Variants in DCP2 observed in about 807,000 individuals in gnomAD.
The protein encoded by DCP2 is m7GpppN-mRNA hydrolase.
A neutral mutation model predicts 56.1 loss-of-function variants in DCP2; 30 were observed. The observed-to-expected ratio is 0.53, with a 90% CI of 0.40 to 0.73. The LOEUF (loss-of-function observed/expected upper bound fraction) is 0.73, where lower values mean the gene tolerates loss of function less well. Among genes scored for constraint, DCP2 ranks in the 30% least tolerant of loss-of-function variants. DCP2 has a pLI of 0.00. For synonymous variants in DCP2, 197 were observed against 163.3 expected, an observed-to-expected ratio of 1.21 and a Z score of -1.57; for missense variants, 533 against 502.7, an observed-to-expected ratio of 1.06 and a Z score of -0.58.
chr5:113,010,204 T>C (rs1290836062), intron 9 of DCP2, among the ~76,000 whole-genome samples: 1 of 146,072 alleles, frequency 6.8e-6, no homozygotes, highest in Non-Finnish European at 1.5e-5. Flanking sequence ...TACTAATTCT[T>C]GTATTTTTTT....
At chr5:113,004,203 T>A in intron 8 of DCP2, 126 bp downstream of exon 8, 1 of 1,083,848 alleles carries the variant, frequency 9.2e-7, no homozygotes, top group South Asian at 1.7e-5. Context: ...AGCCTGTATG[T>A]TCCTTACTTA....
intron 10 of DCP2, among the ~76,000 whole-genome samples, chr5:113,012,235 C>T (rs1238169711): frequency 6.6e-6 from 1 of 152,164 alleles, no homozygotes. Context: ...TGGCACATAC[C>T]TGTAGTCCCA....
intron 4 of DCP2, among the ~76,000 whole-genome samples, chr5:112,995,402 A>G (rs898131543): frequency 1.3e-5 from 2 of 152,234 alleles, no homozygotes; most frequent in Non-Finnish European, 2.9e-5. Flanking sequence ...GAGAAAATAG[A>G]AATCAGCAGT....
In DCP2 at chr5:113,013,408, A is replaced by C. The variant is rs1400342445; in HGVS notation, c.1187A>C (p.Lys396Thr). ...CCCGTGGCATGTAATGGACATTGCA[A>C]GTTCCCCTTTTCATCCAGAGCCTTT... is the stretch of plus-strand genomic sequence containing the variant. ...GQPVACNGHC[K>T]FPFSSRAFLS... Residue 396 changes from lysine (K) to threonine (T), a missense_variant, in exon 11 of 11, where the codon AAG becomes ACG. Physicochemically the swap from Lys to Thr is moderately conservative, Grantham distance 78 (BLOSUM62 -1). This residue lies in a region of DCP2 where 392 missense variants were observed against 346.6 expected (regional missense o/e 1.13). Transcript: ENST00000389063. 1 of 1,614,174 alleles carries C rather than the reference A, an allele frequency of 6.2e-7. No individual in the cohort carries two copies. The highest frequency in any genetic ancestry group is 2.2e-5 in the East Asian group (1 of 44,878).
intron 2 of DCP2, among the ~76,000 whole-genome samples, chr5:112,991,312 T>C (rs949203788): frequency 6.6e-6 from 1 of 152,346 alleles, no homozygotes; most frequent in Non-Finnish European, 1.5e-5. Context: ...TTCTCTATGC[T>C]TTTTTAAAAT....
intron 10 of DCP2, among the ~76,000 whole-genome samples, chr5:113,011,348 TCCTC>T (rs1749675285): frequency 6.6e-6 from 1 of 152,354 alleles, no homozygotes; most frequent in South Asian, 2.1e-4. Context: ...AATTTCTCCT[TCCTC>T]GGTTATGAAA....
intron 1 of DCP2, chr5:112,984,504 G>A (rs1230832722): frequency 1.3e-5 from 2 of 151,684 alleles, no homozygotes; most frequent in African/African-American, 4.8e-5. Context: ...ATCATGGACT[G>A]TGCTAAAACC....
rs1750067915 is a variant in DCP2, at chr5:113,020,537, T to A, written c.*7053T>A. On this transcript the variant is annotated 3_prime_UTR_variant, in exon 11 of 11. Coordinates refer to ENST00000389063, the MANE Select transcript of DCP2 (RefSeq NM_152624.6). ...CATTTGGAACAGGTTTCATTCTGTT[T>A]CTAGATTTATGTTGTTGTAGTTGAA... The A allele has an allele frequency of 6.6e-6, 1 of 152,234 alleles. No homozygotes were observed. 9.4% of individuals were successfully genotyped at this position (152,234 alleles called of 1,614,324 possible).
rs573918759 is a variant in DCP2 at position 112,977,335 on chromosome 5, C to T, written c.53+349C>T. ...CCTCCCTCTCCCATTGTTTTTTCTGCCTCTGTGACTTTTCCACGCCGTGCA... is the reference window on the plus strand; with the variant it reads ...CCTCCCTCTCCCATTGTTTTTTCTGTCTCTGTGACTTTTCCACGCCGTGCA... On this transcript the variant is annotated intron_variant, in intron 1 of 10. Coordinates refer to ENST00000389063, the MANE Select transcript of DCP2 (RefSeq NM_152624.6). 2.6e-5 allele frequency among the ~76,000 whole-genome samples: 4 copies of T among 152,294 alleles called. No individual in the cohort carries two copies. The East Asian group carries it at 7.7e-4, about 29-fold the overall frequency.
chr5:112,996,252 T>C (rs1415446824), intron 4 of DCP2, among the ~76,000 whole-genome samples: 2 of 152,208 alleles, frequency 1.3e-5, no homozygotes, highest in East Asian at 3.8e-4. Flanking sequence ...CTTGACCGAG[T>C]GACATTACCA....
At chr5:113,005,745 A>G (rs985027975) in intron 8 of DCP2, among the ~76,000 whole-genome samples, 5 of 152,260 alleles carry the variant, frequency 3.3e-5, no homozygotes, top group African/African-American at 7.2e-5. Context: ...AAAAGGTGGA[A>G]ACAACTCATA....
intron 6 of DCP2, 22 bp from the exon 7 acceptor site, chr5:113,001,545 T>C (rs781335428): frequency 1.9e-6 from 3 of 1,612,206 alleles, no homozygotes; most frequent in South Asian, 2.2e-5. Flanking sequence ...ATTTTGAAAG[T>C]GAATTCTTAA....
At chr5:113,004,243 T>G (rs1749310545) in intron 8 of DCP2, among the ~76,000 whole-genome samples, 166 bp downstream of exon 8, 1 of 152,256 alleles carries the variant, frequency 6.6e-6, no homozygotes. Context: ...GGCTTCTTAA[T>G]GTTTACAGTT....
intron 9 of DCP2, among the ~76,000 whole-genome samples, chr5:113,009,158 T>C (rs907314689): frequency 1.3e-5 from 2 of 152,246 alleles, no homozygotes; most frequent in South Asian, 2.1e-4. Context: ...AGATAACTTA[T>C]TGATAATATT....
chr5:112,996,457 G>A (rs1748859094), intron 4 of DCP2, among the ~76,000 whole-genome samples: 1 of 151,980 alleles, frequency 6.6e-6, no homozygotes, highest in Admixed American at 6.5e-5. Flanking sequence ...TACCATGGGT[G>A]CTTACAATTT....
chr5:112,985,509 T>C (rs933560384), intron 1 of DCP2, among the ~76,000 whole-genome samples: 1 of 152,224 alleles, frequency 6.6e-6, no homozygotes, highest in Admixed American at 6.5e-5. Flanking sequence ...CCTGTATTCT[T>C]GGAAATGTTG....
intron 7 of DCP2, among the ~76,000 whole-genome samples, chr5:113,002,185 G>A (rs766744792): frequency 5.8e-4 from 88 of 152,300 alleles, no homozygotes; most frequent in Non-Finnish European, 1.0e-3. Context: ...CACTTTGGGA[G>A]GCCAAGGCAG....
chr5:113,000,648 G>A (rs1749134007), intron 4 of DCP2, among the ~76,000 whole-genome samples: 1 of 152,108 alleles, frequency 6.6e-6, no homozygotes. Context: ...CAAAGCATCT[G>A]GACTTTTACT....
intron 4 of DCP2, among the ~76,000 whole-genome samples, chr5:113,000,036 G>A (rs1268610807): frequency 4.9e-5 from 7 of 143,714 alleles, no homozygotes; most frequent in African/African-American, 1.8e-4. Context: ...ACTCCAGCCC[G>A]GGCAACAAGA....
Sources: allele counts gnomAD v4.1 joint callset (sites outside exome capture counted in the v4.1 genomes callset), GRCh38; gene constraint gnomAD v4.1.1; regional missense constraint gnomAD v4.1.1; transcripts MANE v1.5; gene names NCBI Gene and HGNC (gene_info 2026-07-23, HGNC 2026-07-21).